Variants in UGT3A2 observed in about 807,000 individuals in gnomAD.
UGT3A2 encodes the protein UDP glycosyltransferase family 3 member A2.
A neutral mutation model predicts 39.8 loss-of-function variants in UGT3A2; 32 were observed. The ratio of observed to expected loss-of-function variants is 0.80; its 90% CI spans 0.61 to 1.08. UGT3A2 has a LOEUF of 1.08. Ranked by LOEUF, UGT3A2 falls within the 50% of genes least tolerant of loss-of-function variation. The pLI is 0.00. For synonymous variants in UGT3A2, 241 were observed against 230.7 expected (o/e 1.04, Z -0.40); for missense variants, 611 against 637.1 (o/e 0.96, Z 0.44).
intron 4 of UGT3A2, among the ~76,000 whole-genome samples, chr5:36,045,167 C>T (rs905583083): frequency 2.0e-5 from 3 of 151,982 alleles, no homozygotes; most frequent in Admixed American, 1.3e-4. Flanking sequence ...AATGGACAAC[C>T]CAGCAATAAA....
Position 36,049,248 on chromosome 5 carries a change from A to C in UGT3A2, c.484T>G (p.Phe162Val), listed in dbSNP as rs201133636. ...AATGAAGTGGAAAGAATGGCCACAA[A>C]TGGCTTCCCAAGCTTCTCAGCAATC... ...FLIAEKLGKP[F>V]VAILSTSFGS... The change falls in exon 4 of 7, where the codon TTT becomes GTT. Residue 162 changes from phenylalanine (F) to valine (V), a missense_variant. Transcript: ENST00000282507. The C allele has an allele frequency of 6.2e-7, 1 of 1,614,006 alleles. No individual in the cohort carries two copies. Among genetic ancestry groups the C allele is most frequent in the Non-Finnish European group, 8.5e-7 (1 of 1,179,984 alleles).
intron 6 of UGT3A2, among the ~76,000 whole-genome samples, chr5:36,037,365 G>A (rs1345247978): frequency 6.6e-6 from 1 of 152,164 alleles, no homozygotes; most frequent in African/African-American, 2.4e-5. Context: ...GAAATGAGTT[G>A]GAGATGAGAC....
At chr5:36,063,999 G>A (rs1742798495) in intron 2 of UGT3A2, among the ~76,000 whole-genome samples, 1 of 152,044 alleles carries the variant, frequency 6.6e-6, no homozygotes, top group Admixed American at 6.5e-5. Flanking sequence ...CCATAATAAT[G>A]AGTGGATGGT....
rs955698718 is a variant in UGT3A2, at chr5:36,037,659, A to T, written c.1295+138T>A. On this transcript the variant is annotated intron_variant, in intron 6 of 6. Transcript: ENST00000282507. Reference sequence around the variant, plus strand: ...CAGGTCAGCTGTTGGCATCACACACATATTATCCCATGTCCTGGAAAATAC... The same window carrying T: ...CAGGTCAGCTGTTGGCATCACACACTTATTATCCCATGTCCTGGAAAATAC... 8.7e-5 allele frequency: 76 copies of T among 872,768 alleles called. 1 individual carries two copies. Among genetic ancestry groups the T allele is most frequent in the Non-Finnish European group, 1.2e-4 (70 of 567,284 alleles). 54.1% of individuals were successfully genotyped at this position (872,768 alleles called of 1,614,324 possible).
At chr5:36,037,724 C>A (rs1741873179) in intron 6 of UGT3A2, 73 bp downstream of exon 6, 10 of 1,518,982 alleles carry the variant, frequency 6.6e-6, no homozygotes, top group Non-Finnish European at 5.4e-6. Flanking sequence ...ACCAAAAAAA[C>A]AGACTCCCAT....
chr5:36,051,058 C>T (rs898142231), intron 3 of UGT3A2, among the ~76,000 whole-genome samples: 2 of 152,046 alleles, frequency 1.3e-5, no homozygotes, highest in African/African-American at 4.8e-5. Context: ...ATGATATAGG[C>T]TAAGTGTCAA....
chr5:36,039,632 C>T lies in UGT3A2; in HGVS notation c.920G>A (p.Cys307Tyr), dbSNP rs1285571193. 6.2e-7 allele frequency: 1 copy of T among 1,614,174 alleles called. No homozygotes were observed. Among genetic ancestry groups the T allele is most frequent in the South Asian group, 1.1e-5 (1 of 91,090 alleles). ...CTCCTTGAAGATTTCCGGATTCTGA[C>T]AGGTGTTCACCATGGAGCCCAAGGT... is the stretch of plus-strand genomic sequence containing the variant. Reference protein sequence around the residue: ...LVTLGSMVNTCQNPEIFKEMN... With the variant: ...LVTLGSMVNTYQNPEIFKEMN... Residue 307 changes from cysteine (C) to tyrosine (Y), a missense_variant, in exon 5 of 7, where the codon TGT becomes TAT. Cys to Tyr is a radical substitution (Grantham distance 194). Coordinates refer to ENST00000282507, the MANE Select transcript of UGT3A2 (RefSeq NM_174914.4).
At chr5:36,036,848 A>AGTT (rs2111684188) in intron 6 of UGT3A2, among the ~76,000 whole-genome samples, 1 of 152,164 alleles carries the variant, frequency 6.6e-6, no homozygotes, top group East Asian at 1.9e-4. Context: ...AACTCTAATA[A>AGTT]ATTATTCAGT....
intron 3 of UGT3A2, 50 bp downstream of exon 3, chr5:36,051,820 G>C: frequency 7.5e-7 from 1 of 1,329,084 alleles, no homozygotes; most frequent in East Asian, 2.3e-5. Context: ...CCATCCATTT[G>C]TATTATGAAA....
At chr5:36,065,836 C>G (rs1171742607) in intron 1 of UGT3A2, among the ~76,000 whole-genome samples, 3 of 152,148 alleles carry the variant, frequency 2.0e-5, no homozygotes, top group African/African-American at 7.2e-5. Flanking sequence ...ATCTGTGGTT[C>G]TTCCCAGCCC....
At chr5:36,059,156 G>T (rs1275034936) in intron 2 of UGT3A2, among the ~76,000 whole-genome samples, 1 of 152,100 alleles carries the variant, frequency 6.6e-6, no homozygotes, top group African/African-American at 2.4e-5. Context: ...AGGGACTTGA[G>T]TGAGGAAGGT....
intron 2 of UGT3A2, among the ~76,000 whole-genome samples, chr5:36,061,583 T>A (rs1465010013): frequency 3.0e-3 from 412 of 135,776 alleles, no homozygotes; most frequent in African/African-American, 5.3e-3. Flanking sequence ...TCATTTTTTA[T>A]GGCTGCATAG....
At position 36,035,734 on chromosome 5, in the gene UGT3A2, C is replaced by G. The variant is rs753292837; in HGVS notation, c.1536G>C (p.Trp512Cys). ...LCGKLLGMAV[W>C]WLRGARKVKE... Reference sequence around the variant, plus strand: ...TCACCTTTCTGGCCCCACGCAGCCACCAGACAGCCATGCCCAGCAGCTTCC... The same window carrying G: ...TCACCTTTCTGGCCCCACGCAGCCAGCAGACAGCCATGCCCAGCAGCTTCC... The change falls in exon 7 of 7, where the codon TGG becomes TGC. Residue 512 changes from tryptophan to cysteine, a missense_variant. Physicochemically the swap from Trp to Cys is radical, Grantham distance 215 (BLOSUM62 -2). Transcript: ENST00000282507. 6.2e-7 allele frequency: 1 copy of G among 1,614,188 alleles called. No homozygotes were observed. The highest frequency in any genetic ancestry group is 8.5e-7 in the Non-Finnish European group (1 of 1,180,044).
At chr5:36,040,736 G>T (rs565574601) in intron 4 of UGT3A2, among the ~76,000 whole-genome samples, 1 of 152,238 alleles carries the variant, frequency 6.6e-6, no homozygotes, top group Non-Finnish European at 1.5e-5. Context: ...GTGCTCTGGG[G>T]TTCAAAATAA....
At chr5:36,062,367 T>C (rs1333846651) in intron 2 of UGT3A2, among the ~76,000 whole-genome samples, 1 of 152,358 alleles carries the variant, frequency 6.6e-6, no homozygotes, top group East Asian at 1.9e-4. Context: ...AGGGTTTTAA[T>C]GGTTTTAAGT....
intron 5 of UGT3A2, among the ~76,000 whole-genome samples, 179 bp from the exon 6 acceptor site, chr5:36,038,195 G>GTTGCTATC (rs1194093484): frequency 1.3e-5 from 2 of 152,162 alleles, no homozygotes; most frequent in African/African-American, 4.8e-5. Flanking sequence ...GATTCCAAGC[G>GTTGCTATC]TTGCTATCGT....
intron 1 of UGT3A2, among the ~76,000 whole-genome samples, chr5:36,064,979 G>A (rs1366205883): frequency 2.0e-5 from 3 of 152,160 alleles, no homozygotes; most frequent in Admixed American, 6.5e-5. Flanking sequence ...AGACATTTGA[G>A]GACAACTGTG....
Position 36,035,144 on chromosome 5 carries a change from G to C in UGT3A2, c.*554C>G, listed in dbSNP as rs950506078. The C allele has an allele frequency of 6.4e-6, 1 of 156,942 alleles. No individual in the cohort carries two copies. Among genetic ancestry groups the C allele is most frequent in the Non-Finnish European group, 1.4e-5 (1 of 70,560 alleles). The allele number at this position is 156,942 out of a possible 1,614,324, so 9.7% of individuals were successfully genotyped here. On this transcript the variant is annotated 3_prime_UTR_variant, in exon 7 of 7. Coordinates refer to ENST00000282507, the MANE Select transcript of UGT3A2 (RefSeq NM_174914.4). ...GGCACCAGAGACAGGGACCCAATGT[G>C]GAGACCTGTGAGCCTGTGTCCGGCC... is the stretch of plus-strand genomic sequence containing the variant.
rs772896953 is a variant in UGT3A2 at position 36,035,777 on chromosome 5, C to T, written c.1493G>A (p.Gly498Glu). 2 of 1,614,116 alleles carry T rather than the reference C, an allele frequency of 1.2e-6. No homozygotes were observed. The highest frequency in any genetic ancestry group is 1.7e-6 in the Non-Finnish European group (2 of 1,180,020). ...VFVFLLGLTL[G>E]TLWLCGKLLG... Reference sequence around the variant, plus strand: ...CAGCTTCCCACAAAGCCATAGAGTCCCCAGAGTGAGCCCCAGCAGAAACAC... The same window carrying T: ...CAGCTTCCCACAAAGCCATAGAGTCTCCAGAGTGAGCCCCAGCAGAAACAC... Residue 498 changes from glycine to glutamate, a missense_variant, in exon 7 of 7, where the codon GGG becomes GAG. Transcript: ENST00000282507.
Sources: gnomAD v4.1 joint callset for allele counts (sites outside exome capture counted in the v4.1 genomes callset) on GRCh38, gnomAD v4.1.1 for gene constraint, MANE v1.5 for transcripts, NCBI Gene and HGNC (gene_info 2026-07-23, HGNC 2026-07-21) for gene names.